The following STOX2 variants were observed in gnomAD, a reference collection of about 807,000 sequenced individuals.
STOX2 encodes the protein storkhead box 2.
Under a neutral mutation model 60.9 loss-of-function variants are expected in STOX2, and 28 were observed. The observed-to-expected ratio is 0.46, with a 90% CI of 0.34 to 0.63. The LOEUF is 0.63. Among genes scored for constraint, STOX2 ranks in the 30% least tolerant of loss-of-function variants. The pLI is 0.01. For synonymous variants in STOX2, 472 were observed against 463.9 expected (o/e 1.02, Z -0.22); for missense variants, 1,024 against 1,187.7 (o/e 0.86, Z 2.03).
At chr4:184,013,692 T>G (rs909379610) in intron 3 of STOX2, among the ~76,000 whole-genome samples, 2 of 152,262 alleles carry the variant, frequency 1.3e-5, no homozygotes, top group African/African-American at 2.4e-5. Context: ...AAGGAAAGTA[T>G]TTGACTACTA....
chr4:183,913,806 C>CA (rs1485605408), intron 1 of STOX2, among the ~76,000 whole-genome samples: 2 of 151,874 alleles, frequency 1.3e-5, no homozygotes. Flanking sequence ...ACAAAACAAA[C>CA]AAAAAAACTG....
chr4:183,951,397 C>G (rs1396885665), intron 1 of STOX2, among the ~76,000 whole-genome samples: 6 of 145,798 alleles, frequency 4.1e-5, no homozygotes, highest in Non-Finnish European at 6.0e-5. Context: ...GCTGCCTGTT[C>G]ATAGATATTT....
chr4:183,939,318 CCTT>C (rs1318104385), intron 1 of STOX2, among the ~76,000 whole-genome samples: 2 of 152,220 alleles, frequency 1.3e-5, no homozygotes, highest in Non-Finnish European at 2.9e-5. Flanking sequence ...TCCAAGTCCT[CCTT>C]CGTCTGTGGC....
intron 1 of STOX2, among the ~76,000 whole-genome samples, chr4:183,970,538 A>G (rs899858060): frequency 3.9e-5 from 6 of 152,302 alleles, no homozygotes; most frequent in Middle Eastern, 3.4e-3. Context: ...ACCCTTGCCT[A>G]GAACTGTTAA....
chr4:183,831,035 G>A (rs146113591), intron 1 of STOX2, among the ~76,000 whole-genome samples: 104 of 152,022 alleles, frequency 6.8e-4, no homozygotes, highest in Middle Eastern at 3.4e-3. Flanking sequence ...CCTCGGCGGA[G>A]ATGGCCAAGC....
At chr4:183,898,695 CT>C (rs1741395246) in intron 1 of STOX2, among the ~76,000 whole-genome samples, 1 of 152,020 alleles carries the variant, frequency 6.6e-6, no homozygotes, top group African/African-American at 2.4e-5. Context: ...GGAGGAGAGC[CT>C]GTAGAGAGTG....
intron 1 of STOX2, among the ~76,000 whole-genome samples, chr4:183,920,740 AG>A (rs540970347): frequency 1.3e-3 from 205 of 152,178 alleles, no homozygotes; most frequent in Admixed American, 2.6e-3. Context: ...AGCACCTTAG[AG>A]TGGGTTTCAA....
rs1437998543 is a variant in STOX2 at position 184,020,096 on chromosome 4, A to C, written c.*2812A>C. The C allele has an allele frequency of 6.6e-6, 1 of 152,222 alleles. No homozygotes were observed. Among genetic ancestry groups the C allele is most frequent in the African/African-American group, 2.4e-5 (1 of 41,452 alleles). The allele number at this position is 152,222 out of a possible 1,614,324, so 9.4% of individuals were successfully genotyped here. On this transcript the variant is annotated 3_prime_UTR_variant, in exon 4 of 4. Transcript: ENST00000308497. Reference sequence around the variant, plus strand: ...TTTATGGTAATTTTTATTTTTACATATAACTACCTCCATAAATTTGATGAA... The same window carrying C: ...TTTATGGTAATTTTTATTTTTACATCTAACTACCTCCATAAATTTGATGAA...
At chr4:183,818,103 ATT>A (rs547034310) in intron 1 of STOX2, among the ~76,000 whole-genome samples, 4 of 147,286 alleles carry the variant, frequency 2.7e-5, no homozygotes, top group African/African-American at 1.0e-4. Context: ...TTTTAGTATA[ATT>A]TTTTTTTTTA....
chr4:183,838,925 C>G (rs1739780513), intron 1 of STOX2, among the ~76,000 whole-genome samples: 1 of 152,166 alleles, frequency 6.6e-6, no homozygotes, highest in African/African-American at 2.4e-5. Context: ...TTCTGGTAAG[C>G]ATTTGAGAAT....
At chr4:183,869,301 T>G (rs1455837561) in intron 1 of STOX2, among the ~76,000 whole-genome samples, 1 of 152,194 alleles carries the variant, frequency 6.6e-6, no homozygotes, top group East Asian at 1.9e-4. Context: ...GCCTAGAAAC[T>G]GACTGTCATT....
rs570066353 is a variant in STOX2 at position 183,857,476 on chromosome 4, C to A, written c.364+59421C>A. Among the ~76,000 whole-genome samples, 10 of 152,388 alleles carry A rather than the reference C, an allele frequency of 6.6e-5. No homozygotes were observed. The East Asian group carries it at 1.9e-3, about 29-fold the overall frequency. The stretch of plus-strand genomic sequence containing the variant: ...CCATTGAAGGCAGTGCCACGGCTGC[C>A]TGGATTCCCAGCCTTCCACATACTG... On this transcript the variant is annotated intron_variant, in intron 1 of 2. Coordinates refer to the STOX2 transcript ENST00000513034.
At chr4:183,922,076 T>G (rs144309617) in intron 1 of STOX2, among the ~76,000 whole-genome samples, 1,605 of 152,332 alleles carry the variant, frequency 0.011, 12 homozygotes, top group Non-Finnish European at 0.013. Context: ...CTAATGATAT[T>G]CTGGGAGAGA....
At chr4:183,901,420 G>T (rs72998717), upstream of STOX2, among the ~76,000 whole-genome samples, 7 of 151,902 alleles carry the variant, frequency 4.6e-5, no homozygotes, top group African/African-American at 1.5e-4. Flanking sequence ...ACTTCTTTTC[G>T]GGTATATCTA....
intron 1 of STOX2, among the ~76,000 whole-genome samples, chr4:183,818,926 G>A (rs1422488861): frequency 6.6e-6 from 1 of 151,562 alleles, no homozygotes; most frequent in Admixed American, 6.6e-5. Context: ...CCGGGAAGAG[G>A]CGGTCCTCAC....
At chr4:183,863,005 G>A (rs1740484515) in intron 1 of STOX2, among the ~76,000 whole-genome samples, 2 of 152,116 alleles carry the variant, frequency 1.3e-5, no homozygotes, top group Non-Finnish European at 2.9e-5. Flanking sequence ...AATCTCACTG[G>A]GGATGTTTAG....
intron 1 of STOX2, among the ~76,000 whole-genome samples, chr4:183,930,815 G>C (rs911257458): frequency 2.0e-5 from 3 of 152,042 alleles, no homozygotes; most frequent in African/African-American, 7.3e-5. Flanking sequence ...AATATCAGTT[G>C]AAATACTGAC....
chr4:183,938,536 GTGCA>G (rs1368947661), intron 1 of STOX2, among the ~76,000 whole-genome samples: 19 of 152,164 alleles, frequency 1.2e-4, no homozygotes, highest in East Asian at 1.2e-3. Context: ...GGATGTGGTG[GTGCA>G]CGCCTGTAAT....
At chr4:183,933,608 C>T (rs947135704) in intron 1 of STOX2, among the ~76,000 whole-genome samples, 6 of 152,068 alleles carry the variant, frequency 3.9e-5, no homozygotes, top group East Asian at 3.9e-4. Flanking sequence ...GGGCTGGCCT[C>T]GAACTCCTGA....
Sources: allele counts gnomAD v4.1 joint callset (sites outside exome capture counted in the v4.1 genomes callset), GRCh38; gene constraint gnomAD v4.1.1; transcripts MANE v1.5; gene names NCBI Gene and HGNC (gene_info 2026-07-23, HGNC 2026-07-21).